SUN3: variants seen among roughly 807,000 people sequenced by gnomAD.
The protein encoded by SUN3 is Sad1 and UNC84 domain containing 3.
A neutral mutation model predicts 48.2 loss-of-function variants in SUN3; 36 were observed. The ratio of observed to expected loss-of-function variants is 0.75; its 90% CI spans 0.57 to 0.99. The LOEUF is 0.99. Ranked by LOEUF, SUN3 falls within the 50% of genes least tolerant of loss-of-function variation. SUN3 has a pLI of 0.00. For synonymous variants in SUN3, 148 were observed against 147.9 expected, an observed-to-expected ratio of 1.00 and a Z score of 0.00; for missense variants, 419 against 433.1, an observed-to-expected ratio of 0.97 and a Z score of 0.29.
At chr7:47,988,538 A>C (rs3736546) in intron 9 of SUN3, among the ~76,000 whole-genome samples, 55,675 of 152,086 alleles carry the variant, frequency 0.37, 10,290 homozygotes, top group Middle Eastern at 0.51. Flanking sequence ...CCAAGAAATT[A>C]AATATATATA....
chr7:48,005,849 T>A (rs2128775962), intron 6 of SUN3, 120 bp downstream of exon 6: 5 of 503,730 alleles, frequency 9.9e-6, no homozygotes, highest in Admixed American at 8.4e-5. Context: ...ATTGATTAAT[T>A]TCCCCCCCCC....
At chr7:48,035,321 G>C in the SUN3 span, among the ~76,000 whole-genome samples, 1 of 144,214 alleles carries the variant, frequency 6.9e-6, no homozygotes, top group Non-Finnish European at 1.5e-5. The surrounding 1 kb of genome is among the most constrained non-coding windows in gnomAD (Gnocchi z 4.0). Flanking sequence ...CGTCCCGCCC[G>C]GTTCCCCGTG....
chr7:47,990,865 C>T, intron 8 of SUN3: 1 of 350,534 alleles, frequency 2.9e-6, no homozygotes, highest in South Asian at 2.1e-5. Flanking sequence ...AAAACAAATA[C>T]TCTATGTTCT....
At chr7:48,024,033 T>G (rs1054293010) in intron 2 of SUN3, among the ~76,000 whole-genome samples, 2 of 152,116 alleles carry the variant, frequency 1.3e-5, no homozygotes, top group Non-Finnish European at 2.9e-5. Flanking sequence ...GCTTTCCACA[T>G]GCCAAAAAAT....
At chr7:48,001,130 T>C (rs1045526298) in intron 6 of SUN3, among the ~76,000 whole-genome samples, 2 of 152,210 alleles carry the variant, frequency 1.3e-5, no homozygotes, top group African/African-American at 4.8e-5. Context: ...TGCAGGTTTG[T>C]TACACAGAAA....
chr7:48,029,131 C>T (rs780699771), upstream of SUN3: 2 of 743,226 alleles, frequency 2.7e-6, no homozygotes, highest in Admixed American at 3.1e-5. Flanking sequence ...CATCATCCTC[C>T]GTGACACCTC....
intron 3 of SUN3, among the ~76,000 whole-genome samples, chr7:48,013,478 C>A (rs1789733988): frequency 6.6e-6 from 1 of 152,034 alleles, no homozygotes; most frequent in Non-Finnish European, 1.5e-5. Context: ...ACAAGGTCAC[C>A]TAAAAATTAT....
At chr7:48,017,075 A>C (rs1789834165) in intron 3 of SUN3, among the ~76,000 whole-genome samples, 187 bp downstream of exon 3, 2 of 152,362 alleles carry the variant, frequency 1.3e-5, no homozygotes, top group East Asian at 1.9e-4. Flanking sequence ...ATGGCAATTA[A>C]ATTTCAGCAT....
intron 6 of SUN3, among the ~76,000 whole-genome samples, chr7:47,999,109 G>A (rs918725676): frequency 2.6e-5 from 4 of 152,086 alleles, no homozygotes; most frequent in African/African-American, 9.7e-5. Flanking sequence ...TAATGGTATT[G>A]AGTCTTCTAA....
chr7:48,010,851 G>A (rs1007518111), intron 3 of SUN3, among the ~76,000 whole-genome samples: 1 of 152,178 alleles, frequency 6.6e-6, no homozygotes, highest in Non-Finnish European at 1.5e-5. Context: ...AAAAGTGTAA[G>A]GTCAACGTGT....
chr7:47,992,383 C>T (rs994377602), intron 8 of SUN3, among the ~76,000 whole-genome samples: 8 of 151,970 alleles, frequency 5.3e-5, no homozygotes, highest in Non-Finnish European at 1.2e-4. Context: ...AAGGTACTGC[C>T]TTCATAAAAG....
intron 2 of SUN3, among the ~76,000 whole-genome samples, chr7:48,019,768 T>G (rs1562612353): frequency 6.6e-6 from 1 of 151,510 alleles, no homozygotes; most frequent in South Asian, 2.1e-4. Flanking sequence ...CAATAAAAAG[T>G]AATGAGATCG....
chr7:48,022,650 C>A (rs192804484), intron 2 of SUN3, among the ~76,000 whole-genome samples: 19 of 152,030 alleles, frequency 1.2e-4, no homozygotes, highest in Admixed American at 1.2e-3. Flanking sequence ...AGCCATGAAT[C>A]TACACATCCA....
intron 4 of SUN3, 149 bp from the exon 5 acceptor site, chr7:48,007,476 T>C: frequency 1.4e-6 from 1 of 693,140 alleles, no homozygotes; most frequent in Non-Finnish European, 2.3e-6. Flanking sequence ...CATGCCCATT[T>C]CTCTAAAGCA....
At chr7:48,034,648 C>T in the SUN3 span, among the ~76,000 whole-genome samples, 274 of 152,252 alleles carry the variant, frequency 1.8e-3, 2 homozygotes, top group Non-Finnish European at 1.9e-3. Context: ...TACTGAACTG[C>T]GCCATAGCTG....
In SUN3 at chr7:48,017,470, C is replaced by T; in HGVS notation, c.185-105G>A. ...CCTAAACATGAAGAATATGTATACT[C>T]TTAAGAATATCAGATCCTTGGGTGA... On this transcript the variant is annotated intron_variant, in intron 2 of 9. Coordinates refer to ENST00000297325, the MANE Select transcript of SUN3 (RefSeq NM_001030019.2). 5.8e-6 allele frequency: 4 copies of T among 684,322 alleles called. No homozygotes were observed. The South Asian group carries it at 6.8e-5, about 12-fold the overall frequency. 42.4% of individuals were successfully genotyped at this position (684,322 alleles called of 1,614,324 possible). A position where few individuals can be genotyped will look rare whatever the true frequency, so the allele number is the denominator to read the frequency against.
At chr7:48,012,249 C>A (rs1789703610) in intron 3 of SUN3, among the ~76,000 whole-genome samples, 1 of 152,230 alleles carries the variant, frequency 6.6e-6, no homozygotes, top group Non-Finnish European at 1.5e-5. Flanking sequence ...GTCCCTGTGC[C>A]TCATCCTAAC....
At chr7:48,002,583 G>T (rs1198136208) in intron 6 of SUN3, among the ~76,000 whole-genome samples, 1 of 151,994 alleles carries the variant, frequency 6.6e-6, no homozygotes, top group South Asian at 2.1e-4. Context: ...GGGTTGTTTT[G>T]TTTTCTTGTA....
At chr7:48,007,132 A>AGCCCAACCC in intron 5 of SUN3, 33 bp downstream of exon 5, 4 of 1,373,808 alleles carry the variant, frequency 2.9e-6, no homozygotes, top group Non-Finnish European at 2.0e-6. Flanking sequence ...CCACCACCCC[A>AGCCCAACCC]CCCTGCCCAA....
Sources: gnomAD v4.1 joint callset for allele counts (sites outside exome capture counted in the v4.1 genomes callset) on GRCh38, gnomAD v4.1.1 for gene constraint, Gnocchi (gnomAD v3.1) non-coding constraint, MANE v1.5 for transcripts, NCBI Gene and HGNC (gene_info 2026-07-23, HGNC 2026-07-21) for gene names.